SOCS2: variants seen among roughly 807,000 people sequenced by gnomAD.
SOCS2 encodes the protein CIS-2.
Under a neutral mutation model 18.6 loss-of-function variants are expected in SOCS2, and 10 were observed. That is an observed-to-expected ratio of 0.54 (90% CI 0.33 to 0.91). The LOEUF (loss-of-function observed/expected upper bound fraction) is 0.91. SOCS2 is among the 40% of genes least tolerant of loss of function. The pLI is 0.02. For missense variants in SOCS2, 231 were observed against 247.2 expected (o/e 0.93, Z 0.44); for synonymous variants, 104 against 104.0 (o/e 1.00, Z 0.00).
chr12:93,589,791 T>C, the SOCS2 span, among the ~76,000 whole-genome samples: 1 of 152,334 alleles, frequency 6.6e-6, no homozygotes, highest in East Asian at 1.9e-4. Flanking sequence ...GAGAAACACA[T>C]GTAGACGTTT....
At chr12:93,616,250 C>T in the SOCS2 span, among the ~76,000 whole-genome samples, 2 of 152,172 alleles carry the variant, frequency 1.3e-5, no homozygotes, top group Non-Finnish European at 2.9e-5. Flanking sequence ...ATTGGGGTTG[C>T]TGAGAGGATG....
At chr12:93,624,820 G>C in the SOCS2 span, among the ~76,000 whole-genome samples, 3 of 152,166 alleles carry the variant, frequency 2.0e-5, no homozygotes, top group African/African-American at 7.2e-5. Flanking sequence ...TGTGGGCAAA[G>C]TTGTTTCTGA....
chr12:93,590,785 A>AC, the SOCS2 span, among the ~76,000 whole-genome samples: 1 of 65,002 alleles, frequency 1.5e-5, no homozygotes, highest in East Asian at 4.8e-4. Flanking sequence ...CTCCGCCTCA[A>AC]AAAAAAAAAA....
At chr12:93,586,970 C>G (rs1217474453), downstream of SOCS2, among the ~76,000 whole-genome samples, 1 of 152,104 alleles carries the variant, frequency 6.6e-6, no homozygotes, top group Non-Finnish European at 1.5e-5. Context: ...GAGTTCAAGA[C>G]CAGCCTGGCC....
In SOCS2 at chr12:93,575,029, C is replaced by T. The variant is rs750376166; in HGVS notation, c.447C>T (p.His149=). The T allele has an allele frequency of 1.2e-6, 2 of 1,613,702 alleles. No individual in the cohort carries two copies. The highest frequency in any genetic ancestry group is 1.7e-6 in the Non-Finnish European group (2 of 1,179,892). ...GPEAPRNGTV[H]LYLTKPLYTS... is the part of the protein sequence containing the mutation. ...AAGCCCCCCGGAACGGCACTGTTCA[C>T]CTTTATCTGACCAAACCGCTCTACA... Residue 149 remains histidine (H), a synonymous_variant, in exon 2 of 2, where the codon CAC becomes CAT. Coordinates refer to ENST00000551556, the MANE Select transcript of SOCS2 (RefSeq NM_001270471.2).
the SOCS2 span, among the ~76,000 whole-genome samples, chr12:93,604,575 C>T: frequency 2.0e-5 from 3 of 152,186 alleles, no homozygotes; most frequent in East Asian, 3.8e-4. Flanking sequence ...GTTAGACTTA[C>T]ATTCGTAAAG....
At chr12:93,587,596 G>A (rs944836344), downstream of SOCS2, among the ~76,000 whole-genome samples, 1 of 150,682 alleles carries the variant, frequency 6.6e-6, no homozygotes, top group Non-Finnish European at 1.5e-5. Context: ...CAGGAGAATC[G>A]CTTGAACCTG....
At chr12:93,574,533 C>A in intron 1 of SOCS2, 189 bp from the exon 2 acceptor site, 1 of 446,488 alleles carries the variant, frequency 2.2e-6, no homozygotes. Flanking sequence ...ATAAAATGGA[C>A]CCAAATTTTT....
At chr12:93,614,540 CTTCT>C in the SOCS2 span, among the ~76,000 whole-genome samples, 32 of 37,136 alleles carry the variant, frequency 8.6e-4, 1 homozygote, top group Non-Finnish European at 1.1e-3. Context: ...TCCTTCCTTC[CTTCT>C]TTCTTTCTTT....
chr12:93,614,634 T>TG, the SOCS2 span, among the ~76,000 whole-genome samples: 207 of 137,492 alleles, frequency 1.5e-3, 11 homozygotes, highest in African/African-American at 2.7e-3. Flanking sequence ...TTTCTTTCTT[T>TG]TGATGGAGTC....
the SOCS2 span, among the ~76,000 whole-genome samples, chr12:93,624,553 G>C: frequency 6.8e-6 from 1 of 147,812 alleles, no homozygotes; most frequent in Non-Finnish European, 1.5e-5. Flanking sequence ...CCTGGCAACA[G>C]AGAGAGACTC....
the SOCS2 span, among the ~76,000 whole-genome samples, chr12:93,611,651 A>G: frequency 1.3e-5 from 2 of 152,156 alleles, no homozygotes; most frequent in African/African-American, 2.4e-5. Flanking sequence ...ATTCTCTTTC[A>G]TTACACTGTA....
chr12:93,571,821 C>A, upstream of SOCS2: 1 of 397,492 alleles, frequency 2.5e-6, no homozygotes, highest in East Asian at 9.7e-5. Context: ...CGGGCCCCTC[C>A]CACCTCCCCT....
downstream of SOCS2, among the ~76,000 whole-genome samples, chr12:93,584,186 T>A (rs1026013183): frequency 2.0e-5 from 3 of 152,164 alleles, no homozygotes; most frequent in African/African-American, 7.2e-5. Context: ...TAACATCAGG[T>A]TACTCCAGGT....
At chr12:93,598,534 A>C in the SOCS2 span, among the ~76,000 whole-genome samples, 2 of 152,220 alleles carry the variant, frequency 1.3e-5, no homozygotes, top group Non-Finnish European at 2.9e-5. Context: ...GAAGAACTCA[A>C]CCAGAGGGAT....
the SOCS2 span, among the ~76,000 whole-genome samples, chr12:93,616,283 A>C: frequency 1.3e-5 from 2 of 152,214 alleles, no homozygotes; most frequent in African/African-American, 4.8e-5. Flanking sequence ...GAGACTGTAG[A>C]CAGCCATCTT....
At chr12:93,624,995 CT>C in the SOCS2 span, among the ~76,000 whole-genome samples, 1 of 152,212 alleles carries the variant, frequency 6.6e-6, no homozygotes, top group African/African-American at 2.4e-5. Context: ...GAAGCCCTGC[CT>C]TTTACTAATC....
chr12:93,601,586 G>A, the SOCS2 span, among the ~76,000 whole-genome samples: 2 of 152,190 alleles, frequency 1.3e-5, no homozygotes, highest in Non-Finnish European at 2.9e-5. Context: ...TGGGATTACA[G>A]GCGAGAGCCA....
chr12:93,600,962 T>A, the SOCS2 span, among the ~76,000 whole-genome samples: 20 of 151,668 alleles, frequency 1.3e-4, no homozygotes, highest in East Asian at 1.9e-4. Flanking sequence ...CTAATTTTTT[T>A]AAATTTTTTG....
Sources: gnomAD v4.1 joint callset for allele counts (sites outside exome capture counted in the v4.1 genomes callset) on GRCh38, gnomAD v4.1.1 for gene constraint, MANE v1.5 for transcripts, NCBI Gene and HGNC (gene_info 2026-07-23, HGNC 2026-07-21) for gene names.